TLN2: variants seen among roughly 807,000 people sequenced by gnomAD.
TLN2 encodes the protein talin-2.
In TLN2, 118 loss-of-function variants were observed where a neutral mutation model predicts 294.7. That is an observed-to-expected ratio of 0.40 (90% CI 0.34 to 0.47). The LOEUF is 0.47. TLN2 is among the 20% of genes least tolerant of loss of function. The pLI is 0.84. For synonymous variants in TLN2, 1,431 were observed against 1,304.5 expected (o/e 1.10, Z -2.09); for missense variants, 3,083 against 3,282.2 (o/e 0.94, Z 1.48).
At position 62,748,430 on chromosome 15, in the gene TLN2, C is replaced by G. The variant is rs1450232520; in HGVS notation, c.4105C>G (p.Leu1369Val). 6.2e-7 allele frequency: 1 copy of G among 1,613,698 alleles called. No homozygotes were observed. The highest frequency in any genetic ancestry group is 8.5e-7 in the Non-Finnish European group (1 of 1,179,938). The change falls in exon 33 of 59, where the codon CTG (leucine) becomes GTG (valine). Residue 1369 changes from leucine to valine, a missense_variant. Physicochemically the swap from Leu to Val is conservative, Grantham distance 32. Coordinates refer to ENST00000636159, the MANE Select transcript of TLN2 (RefSeq NM_015059.3). The stretch of plus-strand genomic sequence containing the variant: ...GGGCCAGAAAGAGTGCGATAATGCC[C>G]TGCGGGAGCTCGAGGTAGGTCCCTG... ...APGQKECDNALRELETVKGML... is the reference protein window; with the variant it reads ...APGQKECDNAVRELETVKGML...
At chr15:62,567,548 G>A (rs1189044315) in intron 1 of TLN2, among the ~76,000 whole-genome samples, 1 of 152,152 alleles carries the variant, frequency 6.6e-6, no homozygotes, top group Non-Finnish European at 1.5e-5. Context: ...AAGAATGAGG[G>A]GACCAGCCAG....
chr15:62,448,632 C>T (rs1480265557), intron 1 of TLN2, among the ~76,000 whole-genome samples: 2 of 152,160 alleles, frequency 1.3e-5, no homozygotes, highest in Non-Finnish European at 2.9e-5. Context: ...TGTGGTGTAG[C>T]TTATTTTTAA....
At position 62,748,433 on chromosome 15, in the gene TLN2, C is replaced by T. The variant is rs139690512; in HGVS notation, c.4108C>T (p.Arg1370Trp). The T allele has an allele frequency of 1.7e-5, 28 of 1,613,320 alleles. No individual in the cohort carries two copies. The highest frequency in any genetic ancestry group is 5.3e-5 in the African/African-American group (4 of 74,828). ...CCAGAAAGAGTGCGATAATGCCCTG[C>T]GGGAGCTCGAGGTAGGTCCCTGGGA... ...PGQKECDNAL[R>W]ELETVKGMLD... Residue 1370 changes from arginine (R) to tryptophan (W), a missense_variant, in exon 33 of 59, where the codon CGG (arginine) becomes TGG (tryptophan). Arg to Trp is a moderately radical substitution (Grantham distance 101, BLOSUM62 -3). Transcript: ENST00000636159.
Position 62,835,945 on chromosome 15 carries a change from G to T in TLN2, c.7246G>T (p.Val2416Phe). Residue 2416 changes from valine (V) to phenylalanine (F), a missense_variant, in exon 57 of 59, where the codon GTT becomes TTT. Val to Phe is a conservative substitution (Grantham distance 50). Coordinates refer to ENST00000636159, the MANE Select transcript of TLN2 (RefSeq NM_015059.3). Reference sequence around the variant, plus strand: ...TCTCTGTGAGGCGGCCAATGCCTCCGTTCAGGGACACGCCAGCGAGGAGAA... The same window carrying T: ...TCTCTGTGAGGCGGCCAATGCCTCCTTTCAGGGACACGCCAGCGAGGAGAA... The part of the protein sequence containing the change: ...SSLCEAANAS[V>F]QGHASEEKLI... 1 of 1,614,200 alleles carries T rather than the reference G, an allele frequency of 6.2e-7. No homozygotes were observed. Among genetic ancestry groups the T allele is most frequent in the Non-Finnish European group, 8.5e-7 (1 of 1,180,038 alleles).
intron 25 of TLN2, among the ~76,000 whole-genome samples, chr15:62,721,687 A>G (rs2060158549): frequency 6.6e-6 from 1 of 152,224 alleles, no homozygotes; most frequent in South Asian, 2.1e-4. Flanking sequence ...ATAAATATGT[A>G]CAGAGTTAGC....
rs79065473 is a variant in TLN2 at position 62,390,701 on chromosome 15, C to T, written c.-238+16C>T. 7 of 152,098 alleles carry T rather than the reference C, an allele frequency of 4.6e-5. No homozygotes were observed. Among genetic ancestry groups the T allele is most frequent in the Non-Finnish European group, 7.3e-5 (5 of 68,032 alleles). The allele number at this position is 152,098 out of a possible 1,614,324, so 9.4% of individuals were successfully genotyped here. A position where few individuals can be genotyped will look rare whatever the true frequency, so the allele number is the denominator to read the frequency against. ...GCATCCCCCGGTAAGGCGCACGGCT[C>T]ACTCGGGTTTTCCTCTTCCTCCAGC... On this transcript the variant is annotated intron_variant, in intron 1 of 58. Transcript: ENST00000636159.
At chr15:62,516,674 T>C (rs1172294085) in intron 1 of TLN2, among the ~76,000 whole-genome samples, 1 of 152,232 alleles carries the variant, frequency 6.6e-6, no homozygotes. Context: ...CTGCCTTTGG[T>C]ACCATCAGTC....
intron 43 of TLN2, among the ~76,000 whole-genome samples, chr15:62,777,463 G>A (rs1268815432): frequency 1.3e-5 from 2 of 151,260 alleles, no homozygotes; most frequent in Non-Finnish European, 2.9e-5. Flanking sequence ...TTGAACCCAG[G>A]AGGCAGAGGT....
At chr15:62,531,352 G>A (rs1041261473) in intron 1 of TLN2, among the ~76,000 whole-genome samples, 4 of 152,214 alleles carry the variant, frequency 2.6e-5, no homozygotes, top group African/African-American at 9.6e-5. Flanking sequence ...CTCACGTGTG[G>A]AATCCTTGAT....
At chr15:62,605,862 C>T (rs911326109) in intron 2 of TLN2, among the ~76,000 whole-genome samples, 1 of 152,182 alleles carries the variant, frequency 6.6e-6, no homozygotes, top group Non-Finnish European at 1.5e-5. Context: ...CCCATCTTCA[C>T]GAAATGTCTC....
At chr15:62,527,935 C>T (rs4522368) in intron 1 of TLN2, among the ~76,000 whole-genome samples, 33,822 of 152,056 alleles carry the variant, frequency 0.22, 4,246 homozygotes, top group African/African-American at 0.33. Flanking sequence ...AAGTTTATGA[C>T]TTTTCCAGAT....
At chr15:62,574,681 G>A (rs1005382485) in intron 1 of TLN2, among the ~76,000 whole-genome samples, 8 of 147,534 alleles carry the variant, frequency 5.4e-5, no homozygotes, top group Non-Finnish European at 8.9e-5. Context: ...GCTTACTGAG[G>A]TATGATCATT....
At chr15:62,760,522 A>G (rs2062595703) in intron 37 of TLN2, among the ~76,000 whole-genome samples, 1 of 152,178 alleles carries the variant, frequency 6.6e-6, no homozygotes, top group African/African-American at 2.4e-5. Context: ...TTTAACAAGG[A>G]AATTTGCATT....
Position 62,707,852 on chromosome 15 carries a change from G to A in TLN2, c.2172+599G>A, listed in dbSNP as rs1027225124. Reference sequence around the variant, plus strand: ...CTCAAGTCCATCTGCCTCCAAATACGCTTTCCCCTCTACTTCATGTGTCCT... The same window carrying A: ...CTCAAGTCCATCTGCCTCCAAATACACTTTCCCCTCTACTTCATGTGTCCT... On this transcript the variant is annotated intron_variant, in intron 20 of 58. Coordinates refer to ENST00000636159, the MANE Select transcript of TLN2 (RefSeq NM_015059.3). Among the ~76,000 whole-genome samples, 51 of 152,040 alleles carry A rather than the reference G, an allele frequency of 3.4e-4. 1 individual carries two copies. Among genetic ancestry groups the A allele is most frequent in the Non-Finnish European group, 7.4e-5 (5 of 68,024 alleles).
chr15:62,653,315 G>GT lies in TLN2; in HGVS notation c.517+2dup. ...GCCAAGCTGCACACAGATGATGACC[G>GT]TAAGTGTTTGCAGAGGAAGCATGAT... On this transcript the variant is annotated splice_donor_variant, in intron 7 of 58. Coordinates refer to ENST00000636159, the MANE Select transcript of TLN2 (RefSeq NM_015059.3). LOFTEE classifies it high-confidence loss of function. 2 of 1,608,264 alleles carry GT rather than the reference G, an allele frequency of 1.2e-6. No homozygotes were observed. Among genetic ancestry groups the GT allele is most frequent in the South Asian group, 1.1e-5 (1 of 89,420 alleles).
chr15:62,763,278 C>G (rs1320933083), intron 39 of TLN2: 3 of 211,612 alleles, frequency 1.4e-5, no homozygotes, highest in African/African-American at 7.2e-5. Flanking sequence ...AATAGAAAAT[C>G]CAAGTCCAAA....
chr15:62,494,031 C>G (rs1040314505), intron 1 of TLN2, among the ~76,000 whole-genome samples: 3 of 151,934 alleles, frequency 2.0e-5, no homozygotes, highest in African/African-American at 7.3e-5. Context: ...TCTGGGTGAT[C>G]CTAGGATTCT....
At chr15:62,611,777 C>G (rs901289521) in intron 2 of TLN2, among the ~76,000 whole-genome samples, 4 of 152,302 alleles carry the variant, frequency 2.6e-5, no homozygotes, top group Admixed American at 2.6e-4. Context: ...CCCAGCTCTA[C>G]CACTGACTAG....
intron 1 of TLN2, among the ~76,000 whole-genome samples, chr15:62,532,653 G>T (rs540615405): frequency 5.6e-4 from 86 of 152,246 alleles, no homozygotes; most frequent in African/African-American, 2.0e-3. Flanking sequence ...CGTGACAAAT[G>T]GTGATTTAGC....
Sources: gnomAD v4.1 joint callset for allele counts (sites outside exome capture counted in the v4.1 genomes callset) on GRCh38, gnomAD v4.1.1 for gene constraint, MANE v1.5 for transcripts, NCBI Gene and HGNC (gene_info 2026-07-23, HGNC 2026-07-21) for gene names.